RNF24: variants seen among roughly 807,000 people sequenced by gnomAD.
The protein encoded by RNF24 is ring finger protein 24.
RNF24 carries 14 observed loss-of-function variants against 20.0 expected under a neutral mutation model. That is an observed-to-expected ratio of 0.70 (90% CI 0.46 to 1.10). The LOEUF is 1.10. Ranked by LOEUF, RNF24 falls within the 50% of genes least tolerant of loss-of-function variation. RNF24 has a pLI of 0.00. For missense variants in RNF24, 124 were observed against 177.6 expected, an observed-to-expected ratio of 0.70 and a Z score of 1.71; for synonymous variants, 45 against 61.1, an observed-to-expected ratio of 0.74 and a Z score of 1.23.
At position 3,966,469 on chromosome 20, in the gene RNF24, A is replaced by AGTGTGTGTGTGTGTGTGTGTGTGTGTGT. The variant is rs72006955; in HGVS notation, c.-7-2473_-7-2446dup. 6.7e-3 allele frequency among the ~76,000 whole-genome samples: 872 copies of AGTGTGTGTGTGTGTGTGTGTGTGTGTGT among 129,204 alleles called. 18 individuals are homozygous for AGTGTGTGTGTGTGTGTGTGTGTGTGTGT. Among genetic ancestry groups the AGTGTGTGTGTGTGTGTGTGTGTGTGTGT allele is most frequent in the Non-Finnish European group, 1.0e-2 (594 of 59,626 alleles). 84.8% of individuals were successfully genotyped at this position (129,204 alleles called of 152,430 possible). ...AAGAGGACAAAACTATTAAGGCTTT[A>AGTGTGTGTGTGTGTGTGTGTGTGTGTGT]GTGTGTGTGTGTGTGTGTGTGTGTG... On this transcript the variant is annotated intron_variant, in intron 1 of 5. Coordinates refer to ENST00000358395, the MANE Select transcript of RNF24 (RefSeq NM_001134337.3).
intron 1 of RNF24, among the ~76,000 whole-genome samples, chr20:3,992,210 T>C (rs982343894): frequency 6.6e-6 from 1 of 152,228 alleles, no homozygotes. Flanking sequence ...CTGACTTCAC[T>C]AGGAAATCTT....
chr20:3,942,929 C>T (rs2090974955), intron 4 of RNF24, among the ~76,000 whole-genome samples: 1 of 152,046 alleles, frequency 6.6e-6, no homozygotes, highest in Non-Finnish European at 1.5e-5. Flanking sequence ...GATTCTCCTA[C>T]CTTAGCCTTC....
At position 3,938,629 on chromosome 20, in the gene RNF24, A is replaced by G. The variant is rs73580257; in HGVS notation, c.229-3556T>C. ...GCAGGCTTCTTATTACTGAGTTCTA[A>G]GAGTTCTTTATACATCTTAAATACA... On this transcript the variant is annotated intron_variant, in intron 4 of 5. Coordinates refer to ENST00000358395, the MANE Select transcript of RNF24 (RefSeq NM_001134337.3). Among the ~76,000 whole-genome samples, 905 of 152,342 alleles carry G rather than the reference A, an allele frequency of 5.9e-3. 8 individuals carry two copies. Among genetic ancestry groups the G allele is most frequent in the African/African-American group, 0.02 (843 of 41,574 alleles).
chr20:3,976,790 A>ATAAG (rs1978904845), intron 1 of RNF24, among the ~76,000 whole-genome samples: 1 of 152,232 alleles, frequency 6.6e-6, no homozygotes, highest in African/African-American at 2.4e-5. Context: ...TACATACTGT[A>ATAAG]TAAGTACACT....
chr20:3,937,997 T>C (rs974737928), intron 4 of RNF24, among the ~76,000 whole-genome samples: 2 of 152,254 alleles, frequency 1.3e-5, no homozygotes, highest in African/African-American at 2.4e-5. Flanking sequence ...CTGGGTCATA[T>C]GGTAACTCTA....
intron 1 of RNF24, among the ~76,000 whole-genome samples, chr20:3,979,224 C>T (rs1979180365): frequency 6.6e-6 from 1 of 151,814 alleles, no homozygotes; most frequent in Non-Finnish European, 1.5e-5. Flanking sequence ...TCTGGAACAT[C>T]TACATTTAGA....
chr20:3,982,927 G>T (rs1979547457), intron 1 of RNF24, among the ~76,000 whole-genome samples: 1 of 152,160 alleles, frequency 6.6e-6, no homozygotes, highest in Non-Finnish European at 1.5e-5. Flanking sequence ...AGGTGATTAG[G>T]CTATGAGGGA....
intron 1 of RNF24, among the ~76,000 whole-genome samples, chr20:3,985,206 AAAT>A (rs1979779571): frequency 6.6e-6 from 1 of 152,146 alleles, no homozygotes; most frequent in East Asian, 1.9e-4. Flanking sequence ...TGTAATTTTA[AAAT>A]ATGTTTCATC....
In RNF24 at chr20:3,929,331, T is replaced by C. The variant is rs2090784488; in HGVS notation, c.*4732A>G. 6.6e-6 allele frequency: 1 copy of C among 152,218 alleles called. No homozygotes were observed. The highest frequency in any genetic ancestry group is 6.5e-5 in the Admixed American group (1 of 15,272). The allele number at this position is 152,218 out of a possible 1,614,324, so 9.4% of individuals were successfully genotyped here. A position where few individuals can be genotyped will look rare whatever the true frequency, so the allele number is the denominator to read the frequency against. ...GGAGGATCACTTGAGTCCAGGAAGT[T>C]GAGGCTGCAGTGAGCTACAATGGTG... On this transcript the variant is annotated 3_prime_UTR_variant, in exon 6 of 6. Transcript: ENST00000358395.
chr20:3,986,095 T>C (rs1319776596), intron 1 of RNF24, among the ~76,000 whole-genome samples: 2 of 152,158 alleles, frequency 1.3e-5, no homozygotes, highest in African/African-American at 4.8e-5. Flanking sequence ...ATTTTCAATG[T>C]AAATCATTCT....
intron 1 of RNF24, among the ~76,000 whole-genome samples, chr20:3,981,507 T>C (rs1326019859): frequency 6.6e-6 from 1 of 151,416 alleles, no homozygotes; most frequent in Non-Finnish European, 1.5e-5. Flanking sequence ...GGAGTCACTT[T>C]TTTTCTTTTT....
chr20:3,986,144 G>T (rs1389344895), intron 1 of RNF24, among the ~76,000 whole-genome samples: 2 of 152,158 alleles, frequency 1.3e-5, no homozygotes, highest in African/African-American at 2.4e-5. Context: ...GGGCAAAGAA[G>T]AATTTGACGT....
chr20:3,968,193 T>C (rs1223448736), intron 1 of RNF24, among the ~76,000 whole-genome samples: 2 of 151,998 alleles, frequency 1.3e-5, no homozygotes, highest in African/African-American at 4.8e-5. Flanking sequence ...TAATCCCAGC[T>C]TCTCAGGAAG....
At chr20:3,998,859 C>T (rs1223330490) in intron 1 of RNF24, among the ~76,000 whole-genome samples, 1 of 151,382 alleles carries the variant, frequency 6.6e-6, no homozygotes, top group South Asian at 2.1e-4. Flanking sequence ...GCGGGTGGAT[C>T]ATCTGAGGTC....
chr20:3,985,297 T>C (rs1568651622), intron 1 of RNF24, among the ~76,000 whole-genome samples: 2 of 152,208 alleles, frequency 1.3e-5, no homozygotes, highest in African/African-American at 4.8e-5. Context: ...CTATGTTGCC[T>C]TGGCTGGACT....
chr20:3,960,394 G>A (rs1031364237), intron 2 of RNF24, among the ~76,000 whole-genome samples: 1 of 152,156 alleles, frequency 6.6e-6, no homozygotes, highest in Admixed American at 6.5e-5. Context: ...AATTGGCCAG[G>A]CGCGGTGGCT....
chr20:3,953,465 C>CT, intron 2 of RNF24, among the ~76,000 whole-genome samples: 1 of 59,424 alleles, frequency 1.7e-5, no homozygotes, highest in African/African-American at 6.1e-5. Context: ...AACACATTCT[C>CT]TCTTTTTTTT....
intron 1 of RNF24, among the ~76,000 whole-genome samples, chr20:4,006,633 T>G: frequency 6.6e-6 from 1 of 152,254 alleles, no homozygotes; most frequent in East Asian, 1.9e-4. Flanking sequence ...CAAATTACAT[T>G]AAATTTCCAG....
chr20:3,995,668 TG>T (rs1231809179), intron 1 of RNF24, among the ~76,000 whole-genome samples: 2 of 152,214 alleles, frequency 1.3e-5, no homozygotes, highest in African/African-American at 2.4e-5. Context: ...AAGCACTGCC[TG>T]GAAGTCTCCC....
Sources: gnomAD v4.1 joint callset for allele counts (sites outside exome capture counted in the v4.1 genomes callset) on GRCh38, gnomAD v4.1.1 for gene constraint, MANE v1.5 for transcripts, NCBI Gene and HGNC (gene_info 2026-07-23, HGNC 2026-07-21) for gene names.